The following ARHGAP15 variants were observed in gnomAD, a reference collection of about 807,000 sequenced individuals.
ARHGAP15 encodes the protein rho GTPase-activating protein 15.
In ARHGAP15, 51 loss-of-function variants were observed where a neutral mutation model predicts 63.7. That is an observed-to-expected ratio of 0.80 (90% CI 0.64 to 1.01). The LOEUF (loss-of-function observed/expected upper bound fraction) is 1.01. ARHGAP15 is among the 50% of genes least tolerant of loss of function. The pLI is 0.00. For missense variants in ARHGAP15, 560 were observed against 564.6 expected (o/e 0.99, Z 0.08); for synonymous variants, 191 against 193.8 (o/e 0.99, Z 0.12).
At chr2:143,407,663 T>C (rs1019058035) in intron 6 of ARHGAP15, among the ~76,000 whole-genome samples, 1 of 151,768 alleles carries the variant, frequency 6.6e-6, no homozygotes, top group Non-Finnish European at 1.5e-5. Context: ...AAATCCAATA[T>C]TCTCTTCAAA....
At chr2:143,339,994 C>T (rs940107074) in intron 6 of ARHGAP15, among the ~76,000 whole-genome samples, 1 of 152,134 alleles carries the variant, frequency 6.6e-6, no homozygotes, top group Non-Finnish European at 1.5e-5. Flanking sequence ...TTCTAAACGT[C>T]TCAGACTCAC....
At chr2:143,292,257 T>A (rs1309501825) in intron 6 of ARHGAP15, among the ~76,000 whole-genome samples, 1 of 152,126 alleles carries the variant, frequency 6.6e-6, no homozygotes, top group African/African-American at 2.4e-5. Context: ...TTAAGATCAA[T>A]CTTAAATGTA....
rs992156282 is a variant in ARHGAP15 at position 143,328,641 on chromosome 2, A to G, written c.474+78041A>G. On this transcript the variant is annotated intron_variant, in intron 6 of 13. Transcript: ENST00000295095. ...GGAGAAATACCTAATGTATGTGACG[A>G]GTTGATGGGTGCAGCAAACCACCAT... 3.9e-5 allele frequency among the ~76,000 whole-genome samples: 6 copies of G among 152,262 alleles called. No homozygotes were observed. The South Asian group carries it at 1.0e-3, about 26-fold the overall frequency.
chr2:143,425,523 T>C (rs1689106431), intron 6 of ARHGAP15, among the ~76,000 whole-genome samples: 1 of 152,068 alleles, frequency 6.6e-6, no homozygotes, highest in Non-Finnish European at 1.5e-5. Flanking sequence ...ACATATGTAC[T>C]ATATGTTTTG....
intron 4 of ARHGAP15, among the ~76,000 whole-genome samples, chr2:143,222,054 ATCTT>A (rs1181192554): frequency 6.6e-6 from 1 of 152,210 alleles, no homozygotes; most frequent in Non-Finnish European, 1.5e-5. Flanking sequence ...TCCAGGCTGA[ATCTT>A]TCTTCATTTT....
chr2:143,206,113 T>G (rs1288538894), intron 3 of ARHGAP15, among the ~76,000 whole-genome samples: 1 of 152,168 alleles, frequency 6.6e-6, no homozygotes, highest in Non-Finnish European at 1.5e-5. Flanking sequence ...CTGAAGGAGC[T>G]TGGATTTCCT....
At chr2:143,133,510 T>A (rs887693622) in intron 1 of ARHGAP15, among the ~76,000 whole-genome samples, 4 of 152,356 alleles carry the variant, frequency 2.6e-5, no homozygotes, top group Non-Finnish European at 4.4e-5. Flanking sequence ...ACATTTTCTT[T>A]GCAGAAGAGT....
At chr2:143,297,595 G>A (rs926281418) in intron 6 of ARHGAP15, among the ~76,000 whole-genome samples, 1 of 151,924 alleles carries the variant, frequency 6.6e-6, no homozygotes, top group African/African-American at 2.4e-5. Flanking sequence ...CTCTCTTACA[G>A]GTATATCCTT....
intron 6 of ARHGAP15, among the ~76,000 whole-genome samples, chr2:143,395,810 AG>A (rs1687731936): frequency 6.6e-6 from 1 of 152,078 alleles, no homozygotes; most frequent in South Asian, 2.1e-4. Flanking sequence ...AAGGCCTGTG[AG>A]GTAGACAGAA....
At chr2:143,151,464 A>T (rs972614881) in intron 1 of ARHGAP15, among the ~76,000 whole-genome samples, 1 of 151,980 alleles carries the variant, frequency 6.6e-6, no homozygotes, top group Admixed American at 6.6e-5. Context: ...TAGCCAGAAG[A>T]GTTTCCAGTT....
At chr2:143,498,822 C>A (rs1237517995) in intron 9 of ARHGAP15, among the ~76,000 whole-genome samples, 1 of 152,120 alleles carries the variant, frequency 6.6e-6, no homozygotes, top group Non-Finnish European at 1.5e-5. Flanking sequence ...GTATTTCTAG[C>A]AACCATATTT....
intron 9 of ARHGAP15, among the ~76,000 whole-genome samples, chr2:143,518,233 A>T (rs753330339): frequency 2.6e-5 from 4 of 152,236 alleles, no homozygotes; most frequent in East Asian, 1.9e-4. Flanking sequence ...TAAATACTGC[A>T]GGCCAGAGTC....
At chr2:143,198,009 T>C (rs1005289364) in intron 2 of ARHGAP15, among the ~76,000 whole-genome samples, 1 of 151,710 alleles carries the variant, frequency 6.6e-6, no homozygotes, top group Non-Finnish European at 1.5e-5. Flanking sequence ...CTTATATTGC[T>C]GGAGAAACAA....
intron 1 of ARHGAP15, among the ~76,000 whole-genome samples, chr2:143,148,064 C>T (rs1463827162): frequency 6.6e-6 from 1 of 152,030 alleles, no homozygotes; most frequent in Non-Finnish European, 1.5e-5. Context: ...TCTCCTAAGG[C>T]AGCCTTAATC....
At chr2:143,207,989 C>G (rs886189944) in intron 3 of ARHGAP15, among the ~76,000 whole-genome samples, 6 of 152,084 alleles carry the variant, frequency 3.9e-5, no homozygotes, top group African/African-American at 1.4e-4. Flanking sequence ...CTCCACCATG[C>G]CTTAGGGTGG....
rs550534922 is a variant in ARHGAP15 at position 143,253,883 on chromosome 2, A to T, written c.474+3283A>T. Reference sequence around the variant, plus strand: ...ACACAGAAAGATAGTACACATTTATAAAAGATCATACAAATTCTAAGTTAA... The same window carrying T: ...ACACAGAAAGATAGTACACATTTATTAAAGATCATACAAATTCTAAGTTAA... On this transcript the variant is annotated intron_variant, in intron 6 of 13. Transcript: ENST00000295095. Among the ~76,000 whole-genome samples, 14 of 152,222 alleles carry T rather than the reference A, an allele frequency of 9.2e-5. 1 individual carries two copies. In the South Asian group the frequency reaches 1.9e-3, roughly 20 times the overall value.
chr2:143,153,843 T>TTCTTCTTCC (rs1689957969), intron 1 of ARHGAP15, among the ~76,000 whole-genome samples: 1 of 86,892 alleles, frequency 1.2e-5, no homozygotes, highest in African/African-American at 4.8e-5. Flanking sequence ...CTTCTTCTTC[T>TTCTTCTTCC]TCCTCCTCCT....
intron 12 of ARHGAP15, among the ~76,000 whole-genome samples, chr2:143,662,451 C>T (rs1261214718): frequency 5.5e-5 from 8 of 144,502 alleles, no homozygotes; most frequent in Admixed American, 1.4e-4. Context: ...GTAGATAAAA[C>T]CACAAAGATG....
chr2:143,176,493 A>T (rs1691013905), intron 2 of ARHGAP15, among the ~76,000 whole-genome samples: 1 of 152,154 alleles, frequency 6.6e-6, no homozygotes, highest in South Asian at 2.1e-4. Context: ...TTAAATTATT[A>T]CATGATAGCA....
Sources: gnomAD v4.1 joint callset for allele counts (sites outside exome capture counted in the v4.1 genomes callset) on GRCh38, gnomAD v4.1.1 for gene constraint, MANE v1.5 for transcripts, NCBI Gene and HGNC (gene_info 2026-07-23, HGNC 2026-07-21) for gene names.